RASGEF1C: variants seen among roughly 807,000 people sequenced by gnomAD.
The protein encoded by RASGEF1C is ras-GEF domain-containing family member 1C.
In RASGEF1C, 27 loss-of-function variants were observed where a neutral mutation model predicts 58.1. The ratio of observed to expected loss-of-function variants is 0.46; its 90% CI spans 0.34 to 0.64. RASGEF1C has a LOEUF of 0.64. Ranked by LOEUF, RASGEF1C falls within the 30% of genes least tolerant of loss-of-function variation. The pLI, the probability that RASGEF1C is intolerant of heterozygous loss-of-function variation, is 0.01. For synonymous variants in RASGEF1C, 243 were observed against 246.3 expected (o/e 0.99, Z 0.13); for missense variants, 502 against 605.1 (o/e 0.83, Z 1.79).
At chr5:180,161,552 G>A (rs2113301280) in intron 1 of RASGEF1C, among the ~76,000 whole-genome samples, 1 of 152,352 alleles carries the variant, frequency 6.6e-6, no homozygotes, top group Admixed American at 6.5e-5. Context: ...GGTCCTGGAC[G>A]CCAGCCCAGG....
At position 180,168,389 on chromosome 5, in the gene RASGEF1C, C is replaced by T. The variant is rs1253673930; in HGVS notation, c.-6-30331G>A. Among the ~76,000 whole-genome samples, 1 of 152,040 alleles carries T rather than the reference C, an allele frequency of 6.6e-6. No homozygotes were observed. Among genetic ancestry groups the T allele is most frequent in the Non-Finnish European group, 1.5e-5 (1 of 68,012 alleles). On this transcript the variant is annotated intron_variant, in intron 1 of 13. Coordinates refer to ENST00000361132, the MANE Select transcript of RASGEF1C (RefSeq NM_175062.4). This position sits in a 1 kb window ranked among gnomAD's most constrained non-coding sequence, Gnocchi z 6.0. The stretch of plus-strand genomic sequence containing the variant: ...TGGCGGTTGCCATGAGCCGAGATGG[C>T]GCCACTGCACTCCAGCCTGGGCAAC...
chr5:180,129,082 T>C (rs549962317), intron 4 of RASGEF1C, among the ~76,000 whole-genome samples: 19 of 152,268 alleles, frequency 1.2e-4, no homozygotes, highest in Admixed American at 1.1e-3. Context: ...CCAGCTGTGC[T>C]GTTGTCTGGG....
chr5:180,183,083 G>A (rs1168692265), intron 1 of RASGEF1C, among the ~76,000 whole-genome samples: 1 of 152,206 alleles, frequency 6.6e-6, no homozygotes, highest in East Asian at 1.9e-4. Context: ...TATGCTGCAT[G>A]AGTGTAACCT....
Position 180,120,849 on chromosome 5 carries a change from C to T in RASGEF1C, c.804+211G>A, listed in dbSNP as rs560961746. ...CTCTCCAGCACCCTCTGTGCCTGGC[C>T]GGTGGATCTGGCCTGGGTTCTACTT... On this transcript the variant is annotated intron_variant, in intron 7 of 13. Coordinates refer to ENST00000361132, the MANE Select transcript of RASGEF1C (RefSeq NM_175062.4). 1.7e-3 allele frequency among the ~76,000 whole-genome samples: 252 copies of T among 152,202 alleles called. 1 individual carries two copies. In the Middle Eastern group the frequency reaches 0.034, roughly 21 times the overall value.
chr5:180,106,163 GT>G (rs1403717397), intron 12 of RASGEF1C, among the ~76,000 whole-genome samples: 1 of 152,214 alleles, frequency 6.6e-6, no homozygotes. Context: ...GGGGACTACT[GT>G]ATCAGTAATT....
chr5:180,192,582 C>A (rs1188715393), intron 1 of RASGEF1C, among the ~76,000 whole-genome samples: 1 of 152,090 alleles, frequency 6.6e-6, no homozygotes, highest in Non-Finnish European at 1.5e-5. Flanking sequence ...GAAAACAACA[C>A]TGGAACTGAT....
At chr5:180,180,467 A>C (rs78671224) in intron 1 of RASGEF1C, among the ~76,000 whole-genome samples, 1 of 152,234 alleles carries the variant, frequency 6.6e-6, no homozygotes, top group Non-Finnish European at 1.5e-5. Flanking sequence ...ACATGTGCAC[A>C]GTACTTAACA....
Position 180,168,538 on chromosome 5 carries a change from C to T in RASGEF1C, c.-6-30480G>A, listed in dbSNP as rs1207950419. On this transcript the variant is annotated intron_variant, in intron 1 of 13. Transcript: ENST00000361132. The surrounding 1 kb of genome is among the most constrained non-coding windows in gnomAD (Gnocchi z 6.0). ...GTTTCCTGGGGCTCTGCATTTCCGT[C>T]GTCGAGCCAGAAAGCTAGGGCTTTC... 6.6e-6 allele frequency among the ~76,000 whole-genome samples: 1 copy of T among 152,186 alleles called. No homozygotes were observed. Among genetic ancestry groups the T allele is most frequent in the South Asian group, 2.1e-4 (1 of 4,828 alleles).
At chr5:180,148,236 G>A (rs956522081) in intron 1 of RASGEF1C, among the ~76,000 whole-genome samples, 5 of 151,874 alleles carry the variant, frequency 3.3e-5, no homozygotes, top group Admixed American at 3.3e-4. Flanking sequence ...TTATGACTTT[G>A]GATCTAAAAT....
intron 10 of RASGEF1C, among the ~76,000 whole-genome samples, chr5:180,115,963 G>GA (rs1451381281): frequency 1.3e-5 from 2 of 152,100 alleles, no homozygotes; most frequent in Non-Finnish European, 1.5e-5. Flanking sequence ...AACTGTGTTG[G>GA]AACAGGGAGA....
chr5:180,153,812 C>T (rs1453925087), intron 1 of RASGEF1C, among the ~76,000 whole-genome samples: 1 of 148,712 alleles, frequency 6.7e-6, no homozygotes, highest in Non-Finnish European at 1.5e-5. Flanking sequence ...CTAGCAGAAA[C>T]AATACTGGTA....
chr5:180,118,469 C>T, intron 10 of RASGEF1C, 140 bp downstream of exon 10: 1 of 754,504 alleles, frequency 1.3e-6, no homozygotes, highest in Non-Finnish European at 2.1e-6. Context: ...GTGAGTTCCC[C>T]ACGCTGGAGG....
rs767484817 is a variant in RASGEF1C, at chr5:180,137,944, C to G, written c.109G>C (p.Ala37Pro). 26 of 1,612,936 alleles carry G rather than the reference C, an allele frequency of 1.6e-5. No homozygotes were observed. Among genetic ancestry groups the G allele is most frequent in the Non-Finnish European group, 2.2e-5 (26 of 1,179,786 alleles). ...EQAGQPLLDG[A>P]PSSASLETLI... ...GTTTCCAGGGAGGCTGAGGATGGCG[C>G]TCCATCCAGGAGGGGCTGCCCAGCC... The change falls in exon 2 of 14, where the codon GCG becomes CCG. Residue 37 changes from alanine to proline, a missense_variant. By Grantham distance (27) the Ala-to-Pro change is conservative. Transcript: ENST00000361132. The surrounding 1 kb of genome is among the most constrained non-coding windows in gnomAD (Gnocchi z 4.1).
intron 1 of RASGEF1C, among the ~76,000 whole-genome samples, chr5:180,170,330 G>A (rs1767088295): frequency 6.6e-6 from 1 of 152,202 alleles, no homozygotes; most frequent in Non-Finnish European, 1.5e-5. Flanking sequence ...GCAGCTGCAA[G>A]GAGGGGCGCG....
At position 180,198,136 on chromosome 5, in the gene RASGEF1C, C is replaced by T. The variant is rs574830155; in HGVS notation, c.-7+10892G>A. ...TGGCAGTTTGGGGCACCATTGGTGG[C>T]AGGACCCTGGGCAGTAAGGCCCTAA... On this transcript the variant is annotated intron_variant, in intron 1 of 13. Coordinates refer to ENST00000361132, the MANE Select transcript of RASGEF1C (RefSeq NM_175062.4). The surrounding 1 kb of genome is among the most constrained non-coding windows in gnomAD (Gnocchi z 4.5). Among the ~76,000 whole-genome samples, 1 of 152,342 alleles carries T rather than the reference C, an allele frequency of 6.6e-6. No individual in the cohort carries two copies. The highest frequency in any genetic ancestry group is 6.5e-5 in the Admixed American group (1 of 15,298).
At chr5:180,119,862 A>G (rs1766137805) in intron 7 of RASGEF1C, among the ~76,000 whole-genome samples, 1 of 152,172 alleles carries the variant, frequency 6.6e-6, no homozygotes, top group South Asian at 2.1e-4. Flanking sequence ...TCCCTCGAGC[A>G]GCCCCTCCGC....
intron 1 of RASGEF1C, among the ~76,000 whole-genome samples, chr5:180,192,145 T>C (rs1332713553): frequency 5.9e-5 from 9 of 152,212 alleles, no homozygotes; most frequent in Admixed American, 5.2e-4. Context: ...TCCCTTTTGG[T>C]TAACTAAAAG....
intron 1 of RASGEF1C, among the ~76,000 whole-genome samples, chr5:180,175,750 A>G (rs10064965): frequency 0.84 from 128,508 of 152,224 alleles, 54,412 homozygotes; most frequent in East Asian, 0.9. Context: ...CTGTGATCCC[A>G]GCACTCTGGG....
chr5:180,140,599 C>T (rs1439780933), intron 1 of RASGEF1C, among the ~76,000 whole-genome samples: 2 of 152,162 alleles, frequency 1.3e-5, no homozygotes, highest in Admixed American at 1.3e-4. Context: ...CCCACCACTC[C>T]CACCCCTCCC....
Sources: allele counts gnomAD v4.1 joint callset (sites outside exome capture counted in the v4.1 genomes callset), GRCh38; gene constraint gnomAD v4.1.1; non-coding constraint Gnocchi (gnomAD v3.1); transcripts MANE v1.5; gene names NCBI Gene and HGNC (gene_info 2026-07-23, HGNC 2026-07-21).